Variants in GRM8 observed in about 807,000 individuals in gnomAD.
GRM8 encodes metabotropic glutamate receptor 8.
GRM8 carries 47 observed loss-of-function variants against 87.2 expected under a neutral mutation model. The ratio of observed to expected loss-of-function variants is 0.54; its 90% CI spans 0.43 to 0.69. GRM8 has a LOEUF of 0.69. Ranked by LOEUF, GRM8 falls within the 30% of genes least tolerant of loss-of-function variation. GRM8 has a pLI of 0.00. For synonymous variants in GRM8, 396 were observed against 404.5 expected (o/e 0.98, Z 0.25); for missense variants, 1,019 against 1,139.2 (o/e 0.89, Z 1.52).
At chr7:127,189,755 T>C (rs895860651) in intron 2 of GRM8, among the ~76,000 whole-genome samples, 2 of 152,178 alleles carry the variant, frequency 1.3e-5, no homozygotes, top group African/African-American at 2.4e-5. Flanking sequence ...GTTAAAACTA[T>C]TCTGTGACCC....
chr7:127,090,068 T>C lies in GRM8; in HGVS notation c.727+16428A>G, dbSNP rs144197070. 2.7e-4 allele frequency among the ~76,000 whole-genome samples: 41 copies of C among 152,318 alleles called. No homozygotes were observed. The East Asian group carries it at 7.3e-3, about 27-fold the overall frequency. ...CCATGCCTGGGACCTTGTGACCACT[T>C]GTGCCAATACCAACTTGCTTCTGGC... is the stretch of plus-strand genomic sequence containing the variant. On this transcript the variant is annotated intron_variant, in intron 3 of 10. Coordinates refer to ENST00000339582, the MANE Select transcript of GRM8 (RefSeq NM_000845.3).
At chr7:126,441,470 T>C (rs980477783) in intron 10 of GRM8, among the ~76,000 whole-genome samples, 1 of 152,094 alleles carries the variant, frequency 6.6e-6, no homozygotes, top group Non-Finnish European at 1.5e-5. Flanking sequence ...AAAGATGTGA[T>C]GCAATGAATC....
intron 3 of GRM8, among the ~76,000 whole-genome samples, chr7:126,977,411 C>G (rs1419230108): frequency 6.6e-6 from 1 of 152,160 alleles, no homozygotes. Context: ...TCCTACGTGT[C>G]TGTTAGAGAA....
At chr7:126,661,146 A>G (rs975763101) in intron 7 of GRM8, among the ~76,000 whole-genome samples, 9 of 152,346 alleles carry the variant, frequency 5.9e-5, no homozygotes, top group Admixed American at 2.6e-4. Flanking sequence ...CATTTTACTA[A>G]CATTTTACTA....
intron 7 of GRM8, among the ~76,000 whole-genome samples, chr7:126,667,109 G>A (rs1805857308): frequency 6.6e-6 from 1 of 152,118 alleles, no homozygotes; most frequent in South Asian, 2.1e-4. Flanking sequence ...CTATATGTCA[G>A]ACACTGTCCT....
At chr7:126,689,237 C>T (rs906000885) in intron 7 of GRM8, among the ~76,000 whole-genome samples, 1 of 152,068 alleles carries the variant, frequency 6.6e-6, no homozygotes, top group Non-Finnish European at 1.5e-5. Context: ...TATAAATTTC[C>T]CCCAATAAAG....
At chr7:126,571,131 TAA>T (rs1794656667) in intron 8 of GRM8, among the ~76,000 whole-genome samples, 1 of 152,116 alleles carries the variant, frequency 6.6e-6, no homozygotes, top group Admixed American at 6.6e-5. Flanking sequence ...CAAGAGAGAA[TAA>T]AGTCATTAGA....
intron 3 of GRM8, among the ~76,000 whole-genome samples, chr7:127,034,194 T>G (rs926735109): frequency 6.6e-6 from 1 of 152,222 alleles, no homozygotes; most frequent in African/African-American, 2.4e-5. Flanking sequence ...CCAACCATGC[T>G]AAGCAGCCAA....
chr7:126,876,945 A>T (rs1283727954), intron 6 of GRM8, among the ~76,000 whole-genome samples: 1 of 151,888 alleles, frequency 6.6e-6, no homozygotes, highest in African/African-American at 2.4e-5. Flanking sequence ...TTTAAAAAAA[A>T]AAAAGGCTGT....
chr7:127,103,928 A>G (rs937550538), intron 3 of GRM8, among the ~76,000 whole-genome samples: 6 of 152,188 alleles, frequency 3.9e-5, no homozygotes, highest in Admixed American at 3.9e-4. Flanking sequence ...TGACCACCAT[A>G]CACTCATAAA....
At chr7:126,948,601 G>A (rs975643725) in intron 3 of GRM8, among the ~76,000 whole-genome samples, 1 of 152,004 alleles carries the variant, frequency 6.6e-6, no homozygotes, top group African/African-American at 2.4e-5. Flanking sequence ...TGTCCCTAAA[G>A]AAGAGAAGAT....
At chr7:126,861,174 C>T (rs1042889691) in intron 6 of GRM8, among the ~76,000 whole-genome samples, 10 of 152,062 alleles carry the variant, frequency 6.6e-5, no homozygotes, top group African/African-American at 2.4e-4. Flanking sequence ...CTTCCCTATC[C>T]ATATTTTTAT....
chr7:126,949,759 C>T (rs942120248), intron 3 of GRM8, among the ~76,000 whole-genome samples: 4 of 152,244 alleles, frequency 2.6e-5, no homozygotes, highest in African/African-American at 9.6e-5. Flanking sequence ...ACCAGCAATA[C>T]TTCTTGCATA....
chr7:126,840,444 A>G (rs1275629337), intron 6 of GRM8, among the ~76,000 whole-genome samples: 1 of 152,180 alleles, frequency 6.6e-6, no homozygotes, highest in Non-Finnish European at 1.5e-5. Context: ...CTTTGATGAT[A>G]CAGTATTTTC....
chr7:126,500,204 A>C (rs1809435708), intron 9 of GRM8, among the ~76,000 whole-genome samples: 1 of 151,886 alleles, frequency 6.6e-6, no homozygotes, highest in Non-Finnish European at 1.5e-5. Context: ...GTGCCCTTTC[A>C]TCAACATTTC....
At chr7:127,078,728 T>G (rs1822544944) in intron 3 of GRM8, among the ~76,000 whole-genome samples, 1 of 152,244 alleles carries the variant, frequency 6.6e-6, no homozygotes, top group African/African-American at 2.4e-5. Context: ...CAATCAGGGC[T>G]ATTTTAAAGG....
chr7:126,494,120 T>C (rs1808401659), intron 9 of GRM8, among the ~76,000 whole-genome samples: 1 of 152,060 alleles, frequency 6.6e-6, no homozygotes, highest in Non-Finnish European at 1.5e-5. Flanking sequence ...TATTTACCAG[T>C]AATGAAGATG....
chr7:126,788,781 T>C (rs576905594), intron 6 of GRM8, among the ~76,000 whole-genome samples: 1 of 131,114 alleles, frequency 7.6e-6, no homozygotes, highest in African/African-American at 2.6e-5. Flanking sequence ...GAGGTAGATC[T>C]GGTCAGTTAA....
chr7:126,720,764 G>A (rs1035650164), intron 7 of GRM8, among the ~76,000 whole-genome samples: 1 of 151,974 alleles, frequency 6.6e-6, no homozygotes, highest in Non-Finnish European at 1.5e-5. Flanking sequence ...CTCGACCAAA[G>A]GTATTTCTTT....
Sources: gnomAD v4.1 joint callset for allele counts (sites outside exome capture counted in the v4.1 genomes callset) on GRCh38, gnomAD v4.1.1 for gene constraint, MANE v1.5 for transcripts, NCBI Gene and HGNC (gene_info 2026-07-23, HGNC 2026-07-21) for gene names.